Variants in PRH1 observed in about 807,000 individuals in gnomAD.
PRH1 encodes the protein salivary acidic proline-rich phosphoprotein 1/2.
PRH1 carries 7 observed loss-of-function variants against 7.9 expected under a neutral mutation model. The observed-to-expected ratio is 0.89, with a 90% CI of 0.50 to 1.67. PRH1 has a LOEUF of 1.67. Among genes scored for constraint, PRH1 ranks in the 40% most tolerant of loss-of-function variants. The pLI, the probability that PRH1 is intolerant of heterozygous loss-of-function variation, is 0.00. For synonymous variants in PRH1, 45 were observed against 80.8 expected (o/e 0.56, Z 2.38); for missense variants, 109 against 223.6 (o/e 0.49, Z 3.27).
At chr12:10,908,822 A>C in intron 2 of PRH1, 1 of 1,613,892 alleles carries the variant, frequency 6.2e-7, no homozygotes, top group Non-Finnish European at 8.5e-7. Context: ...TGTTTCTTTC[A>C]TATCGGTCCA....
upstream of PRH1, among the ~76,000 whole-genome samples, chr12:10,888,390 T>C (rs76805209): frequency 6.6e-6 from 1 of 152,228 alleles, no homozygotes; most frequent in South Asian, 2.1e-4. Context: ...CATCTAGACC[T>C]GGTTTGGCTC....
chr12:10,994,412 C>T (rs1940105256), intron 1 of PRH1, among the ~76,000 whole-genome samples: 1 of 152,206 alleles, frequency 6.6e-6, no homozygotes, highest in Non-Finnish European at 1.5e-5. Flanking sequence ...GCTGTGTTGT[C>T]CTCTCGCAGC....
chr12:11,035,526 G>A (rs1445609044), intron 1 of PRH1, among the ~76,000 whole-genome samples: 2 of 151,960 alleles, frequency 1.3e-5, no homozygotes, highest in African/African-American at 4.8e-5. Flanking sequence ...TTTTTCTAAC[G>A]GAGAAACTAA....
chr12:11,036,134 C>G (rs1308941032), intron 1 of PRH1, among the ~76,000 whole-genome samples: 1 of 152,206 alleles, frequency 6.6e-6, no homozygotes, highest in South Asian at 2.1e-4. Flanking sequence ...ACCTCGTGAT[C>G]CACCCACCTC....
At chr12:10,904,865 G>T (rs1949780000) in intron 2 of PRH1, among the ~76,000 whole-genome samples, 1 of 152,002 alleles carries the variant, frequency 6.6e-6, no homozygotes, top group Non-Finnish European at 1.5e-5. Context: ...ACGAGCAAAA[G>T]ACATGAACAG....
intron 1 of PRH1, among the ~76,000 whole-genome samples, chr12:11,007,900 G>T (rs1940900237): frequency 6.6e-6 from 1 of 152,018 alleles, no homozygotes. Flanking sequence ...TTAGGAAAAT[G>T]GAATCTAAAG....
intron 2 of PRH1, among the ~76,000 whole-genome samples, chr12:10,926,099 T>A (rs1306523444): frequency 6.6e-6 from 1 of 152,136 alleles, no homozygotes; most frequent in Non-Finnish European, 1.5e-5. Context: ...AACATCAAAT[T>A]AAAAAATATA....
At chr12:10,965,105 G>C (rs1938439371) in intron 2 of PRH1, 1 of 1,337,244 alleles carries the variant, frequency 7.5e-7, no homozygotes, top group Admixed American at 1.8e-5. Flanking sequence ...ATTAATAGTA[G>C]TAATTCTTAC....
intron 1 of PRH1, among the ~76,000 whole-genome samples, chr12:11,025,577 G>T (rs77945769): frequency 6.6e-6 from 1 of 152,090 alleles, no homozygotes; most frequent in East Asian, 1.9e-4. Context: ...TATATTCAGG[G>T]ATACATTTTA....
chr12:11,026,038 T>G (rs551134587), intron 1 of PRH1, among the ~76,000 whole-genome samples: 1 of 137,290 alleles, frequency 7.3e-6, no homozygotes, highest in Non-Finnish European at 1.6e-5. Flanking sequence ...TTATACTTGT[T>G]TTTTTTTCTT....
upstream of PRH1, among the ~76,000 whole-genome samples, chr12:11,051,905 A>C (rs186186304): frequency 2.1e-5 from 3 of 141,572 alleles, no homozygotes; most frequent in Middle Eastern, 3.3e-3. Context: ...ACATATGGGC[A>C]GCTTCTTTTC....
At chr12:10,986,117 C>G (rs768600803) in intron 1 of PRH1, 2 of 1,613,964 alleles carry the variant, frequency 1.2e-6, no homozygotes, top group Admixed American at 3.3e-5. Context: ...GACTCCAAAC[C>G]GAAACGATTA....
chr12:11,100,104 CTA>C (rs1945191843), intron 1 of PRH1, among the ~76,000 whole-genome samples: 1 of 152,056 alleles, frequency 6.6e-6, no homozygotes. Context: ...ATAATAATTT[CTA>C]TGAGACATTT....
chr12:11,169,284 C>G (rs575876248), intron 1 of PRH1, among the ~76,000 whole-genome samples: 2 of 152,312 alleles, frequency 1.3e-5, no homozygotes, highest in Non-Finnish European at 1.5e-5. Flanking sequence ...GCATTCAAAT[C>G]TAAACATCAA....
rs1191217403 is a variant in PRH1, at chr12:11,093,763, T to C, written n.124-46575A>G. On this transcript the variant is annotated intron_variant and non_coding_transcript_variant, in intron 1 of 4. Coordinates refer to the PRH1 transcript ENST00000541977. ...TTGATAAACAAAAAATTACTACAGTTTGCATAGAGATTTGAGATGGCTTCC... is the reference window on the plus strand; with the variant it reads ...TTGATAAACAAAAAATTACTACAGTCTGCATAGAGATTTGAGATGGCTTCC... 2.6e-5 allele frequency among the ~76,000 whole-genome samples: 3 copies of C among 114,394 alleles called. 1 individual carries two copies. In the East Asian group the frequency reaches 6.3e-4, roughly 24 times the overall value. 75.0% of individuals were successfully genotyped at this position (114,394 alleles called of 152,430 possible).
chr12:11,167,540 G>A (rs1947618173), intron 1 of PRH1, among the ~76,000 whole-genome samples: 1 of 151,812 alleles, frequency 6.6e-6, no homozygotes, highest in Non-Finnish European at 1.5e-5. Flanking sequence ...CACCTCCTGG[G>A]TTCACACCAT....
chr12:10,939,908 C>T (rs531130036), intron 2 of PRH1, among the ~76,000 whole-genome samples: 13 of 152,130 alleles, frequency 8.5e-5, no homozygotes, highest in South Asian at 2.1e-4. Flanking sequence ...CATTTGAATA[C>T]GTTAATTAGT....
intron 2 of PRH1, among the ~76,000 whole-genome samples, chr12:10,926,540 T>C (rs1190013388): frequency 6.6e-6 from 1 of 152,194 alleles, no homozygotes; most frequent in Non-Finnish European, 1.5e-5. Context: ...TATGATCTAA[T>C]TTCTACTTTT....
intron 1 of PRH1, among the ~76,000 whole-genome samples, chr12:11,065,841 T>C (rs1591934644): frequency 1.3e-5 from 2 of 152,344 alleles, no homozygotes; most frequent in South Asian, 4.1e-4. Context: ...TGGAAGAAAC[T>C]GGAAATTGAT....
Sources: gnomAD v4.1 joint callset for allele counts (sites outside exome capture counted in the v4.1 genomes callset) on GRCh38, gnomAD v4.1.1 for gene constraint, MANE v1.5 for transcripts, NCBI Gene and HGNC (gene_info 2026-07-23, HGNC 2026-07-21) for gene names.